The following FCHSD2 variants were observed in gnomAD, a reference collection of about 807,000 sequenced individuals.
FCHSD2 encodes the protein F-BAR and double SH3 domains protein 2.
In FCHSD2, 38 loss-of-function variants were observed where a neutral mutation model predicts 108.1. The ratio of observed to expected loss-of-function variants is 0.35; its 90% CI spans 0.27 to 0.46. The LOEUF (loss-of-function observed/expected upper bound fraction) is 0.46. Ranked by LOEUF, FCHSD2 falls within the 20% of genes least tolerant of loss-of-function variation. The pLI, the probability that FCHSD2 is intolerant of heterozygous loss-of-function variation, is 1.00. For synonymous variants in FCHSD2, 279 were observed against 314.7 expected (o/e 0.89, Z 1.20); for missense variants, 751 against 897.8 (o/e 0.84, Z 2.09).
intron 8 of FCHSD2, among the ~76,000 whole-genome samples, chr11:72,935,740 A>AT (rs1856286914): frequency 6.6e-6 from 1 of 152,192 alleles, no homozygotes; most frequent in African/African-American, 2.4e-5. Flanking sequence ...ATATCATCTA[A>AT]TTTTTTATGT....
At chr11:72,930,597 T>A (rs1465373708) in intron 8 of FCHSD2, among the ~76,000 whole-genome samples, 4 of 152,000 alleles carry the variant, frequency 2.6e-5, no homozygotes, top group Non-Finnish European at 5.9e-5. Flanking sequence ...ATACAAAAAT[T>A]AGCTGGGCGT....
Position 73,023,654 on chromosome 11 carries a change from C to T in FCHSD2, c.166-7769G>A, listed in dbSNP as rs548034236. Among the ~76,000 whole-genome samples, 5 of 152,260 alleles carry T rather than the reference C, an allele frequency of 3.3e-5. No homozygotes were observed. In the East Asian group the frequency reaches 9.6e-4, roughly 29 times the overall value. On this transcript the variant is annotated intron_variant, in intron 3 of 19. Transcript: ENST00000409418. ...TCTTATGAACAGAGACTTCCACAAT[C>T]ATGTTCTAGGTATTTGGCCAACTGA...
At chr11:73,024,288 T>C (rs1215786913) in intron 3 of FCHSD2, among the ~76,000 whole-genome samples, 1 of 152,196 alleles carries the variant, frequency 6.6e-6, no homozygotes, top group Non-Finnish European at 1.5e-5. Flanking sequence ...GGGCAAATTT[T>C]ATAATTCTGT....
chr11:72,968,836 TCTC>T (rs1005382163), intron 8 of FCHSD2, among the ~76,000 whole-genome samples: 9 of 152,180 alleles, frequency 5.9e-5, no homozygotes, highest in Non-Finnish European at 1.2e-4. Context: ...GACCAACACT[TCTC>T]CTTGGTGCTT....
chr11:72,945,953 G>A (rs1163247941), intron 8 of FCHSD2, among the ~76,000 whole-genome samples: 1 of 152,188 alleles, frequency 6.6e-6, no homozygotes, highest in African/African-American at 2.4e-5. Context: ...TGGTGGGACT[G>A]TAAACTAGTT....
chr11:73,082,335 C>CAAAAAAAAAAAAAAAAAAAAAA (rs750423401), intron 3 of FCHSD2, among the ~76,000 whole-genome samples: 1 of 34,462 alleles, frequency 2.9e-5, no homozygotes. Context: ...AGACTTGTCC[C>CAAAAAAAAAAAAAAAAAAAAAA]AAAAAAAAAA....
intron 3 of FCHSD2, among the ~76,000 whole-genome samples, chr11:73,054,292 A>G (rs1858970134): frequency 6.6e-6 from 1 of 151,816 alleles, no homozygotes; most frequent in East Asian, 1.9e-4. Flanking sequence ...TTACTTCTCT[A>G]TTTTCCTTCC....
chr11:72,876,694 T>C (rs779279615), intron 12 of FCHSD2, among the ~76,000 whole-genome samples: 1 of 152,206 alleles, frequency 6.6e-6, no homozygotes, highest in Non-Finnish European at 1.5e-5. Context: ...TGGTTAATGA[T>C]GTTGTTCATC....
At chr11:73,000,648 G>C (rs1857608179) in intron 5 of FCHSD2, among the ~76,000 whole-genome samples, 1 of 152,122 alleles carries the variant, frequency 6.6e-6, no homozygotes, top group African/African-American at 2.4e-5. Context: ...TCAAGAACTA[G>C]TGGGATTAAT....
At chr11:73,090,968 GTC>G (rs1239927239) in intron 2 of FCHSD2, among the ~76,000 whole-genome samples, 1 of 151,656 alleles carries the variant, frequency 6.6e-6, no homozygotes, top group Admixed American at 6.6e-5. Flanking sequence ...CTAATTTTTT[GTC>G]TCTACAAATT....
At position 72,868,017 on chromosome 11, in the gene FCHSD2, A is replaced by G; in HGVS notation, c.1156T>C (p.Leu386=). 3.9e-6 allele frequency: 6 copies of G among 1,558,090 alleles called. No individual in the cohort carries two copies. Among genetic ancestry groups the G allele is most frequent in the Non-Finnish European group, 5.2e-6 (6 of 1,149,588 alleles). Residue 386 remains leucine (L), a synonymous_variant, in exon 13 of 20, where the codon TTG becomes CTG. Transcript: ENST00000409418. ...ENIRKAEIIK[L]KAEARLDLLK... is the part of the protein sequence containing the mutation. ...AGGTCCAACCGGGCTTCAGCTTTCA[A>G]TTTAATTATCTAGAGAACCAAGAAA...
chr11:72,897,319 T>TAAAAAAAA (rs140771439), intron 10 of FCHSD2, among the ~76,000 whole-genome samples: 1 of 124,864 alleles, frequency 8.0e-6, no homozygotes. Context: ...TTAAAAAGAG[T>TAAAAAAAA]AAAAAAAAAA....
chr11:73,092,460 T>C (rs1374037253), intron 2 of FCHSD2, among the ~76,000 whole-genome samples: 1 of 152,084 alleles, frequency 6.6e-6, no homozygotes, highest in African/African-American at 2.4e-5. Context: ...TAACATAGCA[T>C]CTGCTTTAAG....
intron 2 of FCHSD2, among the ~76,000 whole-genome samples, chr11:73,087,417 A>T (rs574883792): frequency 7.9e-5 from 12 of 152,178 alleles, no homozygotes; most frequent in Admixed American, 5.2e-4. Flanking sequence ...AAGAAAGAAA[A>T]GTTTTTGGGC....
chr11:72,891,075 C>G (rs1855304770), intron 10 of FCHSD2, among the ~76,000 whole-genome samples: 1 of 152,058 alleles, frequency 6.6e-6, no homozygotes, highest in Non-Finnish European at 1.5e-5. Context: ...TGTCACCATA[C>G]TCAGCTCATT....
At chr11:73,058,612 T>C (rs898776520) in intron 3 of FCHSD2, among the ~76,000 whole-genome samples, 2 of 151,638 alleles carry the variant, frequency 1.3e-5, no homozygotes, top group Non-Finnish European at 2.9e-5. Context: ...TTTTTTTTTT[T>C]TAAGACAGAG....
At chr11:72,843,963 G>A (rs1313823445) in intron 14 of FCHSD2, among the ~76,000 whole-genome samples, 1 of 151,720 alleles carries the variant, frequency 6.6e-6, no homozygotes, top group East Asian at 1.9e-4. Flanking sequence ...AGCCATGAGT[G>A]AGCCACTGCA....
chr11:73,012,840 C>G (rs185540483), intron 4 of FCHSD2, among the ~76,000 whole-genome samples: 14 of 152,232 alleles, frequency 9.2e-5, no homozygotes, highest in Admixed American at 7.8e-4. Context: ...ATTTGACAAA[C>G]ACAAAAAACA....
chr11:72,979,672 CAT>C (rs1857175547), intron 8 of FCHSD2, among the ~76,000 whole-genome samples: 1 of 152,092 alleles, frequency 6.6e-6, no homozygotes, highest in African/African-American at 2.4e-5. Context: ...TTTTCATAAA[CAT>C]AGTATCTCAA....
Sources: gnomAD v4.1 joint callset for allele counts (sites outside exome capture counted in the v4.1 genomes callset) on GRCh38, gnomAD v4.1.1 for gene constraint, MANE v1.5 for transcripts, NCBI Gene and HGNC (gene_info 2026-07-23, HGNC 2026-07-21) for gene names.